Variants in SDK1 observed in about 807,000 individuals in gnomAD.
SDK1 encodes the protein sidekick cell adhesion molecule 1.
In SDK1, 157 loss-of-function variants were observed where a neutral mutation model predicts 245.5. The ratio of observed to expected loss-of-function variants is 0.64; its 90% CI spans 0.56 to 0.73. The LOEUF (loss-of-function observed/expected upper bound fraction) is 0.73. Ranked by LOEUF, SDK1 falls within the 30% of genes least tolerant of loss-of-function variation. The pLI is 0.00. For missense variants in SDK1, 3,583 were observed against 3,002.3 expected, an observed-to-expected ratio of 1.19 and a Z score of -4.52; for synonymous variants, 1,647 against 1,278.5, an observed-to-expected ratio of 1.29 and a Z score of -6.15.
intron 4 of SDK1, among the ~76,000 whole-genome samples, chr7:3,760,799 C>A (rs116285349): frequency 8.5e-5 from 13 of 152,336 alleles, no homozygotes; most frequent in African/African-American, 3.1e-4. Flanking sequence ...TAGGATCATA[C>A]GGCACGTAGC....
intron 35 of SDK1, among the ~76,000 whole-genome samples, chr7:4,186,630 G>C (rs1782914335): frequency 6.6e-6 from 1 of 152,182 alleles, no homozygotes; most frequent in South Asian, 2.1e-4. Flanking sequence ...TGGGAAGCTG[G>C]GTTGGGGTGA....
chr7:3,590,300 C>CTTTTTTTTTTTTTTTT (rs200303832), intron 1 of SDK1, among the ~76,000 whole-genome samples: 12 of 96,136 alleles, frequency 1.2e-4, no homozygotes, highest in East Asian at 3.3e-4. Flanking sequence ...TTTCCTGTTC[C>CTTTTTTTTTTTTTTTT]TTTTTTTTTT....
intron 5 of SDK1, among the ~76,000 whole-genome samples, chr7:3,944,287 C>G (rs1780490116): frequency 6.6e-6 from 1 of 152,200 alleles, no homozygotes. Flanking sequence ...TGGGTTGTCA[C>G]TATATTAAAT....
intron 1 of SDK1, among the ~76,000 whole-genome samples, chr7:3,442,565 T>C (rs766552073): frequency 7.2e-5 from 11 of 152,224 alleles, no homozygotes; most frequent in Non-Finnish European, 1.5e-4. Context: ...GAAGTCAACC[T>C]GCCTGAGTTC....
At chr7:3,991,528 C>T (rs535756272) in intron 14 of SDK1, among the ~76,000 whole-genome samples, 2 of 152,150 alleles carry the variant, frequency 1.3e-5, no homozygotes, top group African/African-American at 2.4e-5. Context: ...TGTGCTGTGA[C>T]ACCAGCACAG....
chr7:4,247,060 G>A (rs1335019588), intron 44 of SDK1, among the ~76,000 whole-genome samples: 1 of 152,180 alleles, frequency 6.6e-6, no homozygotes, highest in Non-Finnish European at 1.5e-5. Context: ...TTTTGGATAT[G>A]CCAGGCCTGG....
intron 22 of SDK1, among the ~76,000 whole-genome samples, chr7:4,085,667 G>C (rs1210642258): frequency 6.6e-6 from 1 of 152,104 alleles, no homozygotes; most frequent in East Asian, 1.9e-4. Context: ...CTATTCTCCT[G>C]CCTCAGCCTC....
chr7:3,578,840 T>A (rs1383717788), intron 1 of SDK1, among the ~76,000 whole-genome samples: 1 of 151,934 alleles, frequency 6.6e-6, no homozygotes, highest in African/African-American at 2.4e-5. Flanking sequence ...TGCACTGATT[T>A]CATATTGTTC....
intron 42 of SDK1, among the ~76,000 whole-genome samples, chr7:4,238,909 A>G (rs1786355492): frequency 6.6e-6 from 1 of 151,928 alleles, no homozygotes; most frequent in Non-Finnish European, 1.5e-5. Flanking sequence ...ATATTGTACT[A>G]TGCAATATTA....
chr7:3,918,942 G>A (rs768280413), intron 5 of SDK1, among the ~76,000 whole-genome samples: 3 of 152,090 alleles, frequency 2.0e-5, no homozygotes, highest in African/African-American at 7.2e-5. Context: ...ATGTGTTACC[G>A]GAGAATTATT....
At chr7:4,070,761 G>A (rs1780203828) in intron 20 of SDK1, among the ~76,000 whole-genome samples, 3 of 151,182 alleles carry the variant, frequency 2.0e-5, no homozygotes, top group Admixed American at 2.0e-4. Context: ...CCAGGATGGA[G>A]TACAGTGGCA....
chr7:3,990,352 C>T (rs998635), intron 14 of SDK1, among the ~76,000 whole-genome samples: 46,823 of 152,162 alleles, frequency 0.31, 7,859 homozygotes, highest in African/African-American at 0.44. Context: ...AACTCCCACT[C>T]GGGCCTCTTT....
chr7:3,464,137 G>A (rs780218980), intron 1 of SDK1, among the ~76,000 whole-genome samples: 5 of 152,240 alleles, frequency 3.3e-5, no homozygotes, highest in Admixed American at 1.3e-4. Context: ...TTACACTGAC[G>A]CATCGTTCCC....
intron 22 of SDK1, among the ~76,000 whole-genome samples, chr7:4,105,793 T>C (rs536399955): frequency 3.6e-4 from 54 of 151,512 alleles, no homozygotes; most frequent in African/African-American, 9.9e-4. Flanking sequence ...TCCAAAGGAG[T>C]CAGCCAGTTG....
chr7:3,353,269 A>G (rs1349806478), intron 1 of SDK1, among the ~76,000 whole-genome samples: 1 of 152,198 alleles, frequency 6.6e-6, no homozygotes, highest in Non-Finnish European at 1.5e-5. Context: ...TTAATTCTGA[A>G]TAGCCACTTA....
chr7:3,684,100 G>A (rs539948582), intron 4 of SDK1, among the ~76,000 whole-genome samples: 2 of 152,282 alleles, frequency 1.3e-5, no homozygotes, highest in East Asian at 3.9e-4. Flanking sequence ...AGTAGGAGCT[G>A]ATCCTCCATT....
chr7:4,145,830 C>A lies in SDK1; in HGVS notation c.4337C>A (p.Ser1446Tyr). 1 of 1,613,856 alleles carries A rather than the reference C, an allele frequency of 6.2e-7. No homozygotes were observed. Among genetic ancestry groups the A allele is most frequent in the Non-Finnish European group, 8.5e-7 (1 of 1,179,960 alleles). Residue 1446 changes from serine to tyrosine, a missense_variant, in exon 29 of 45, where the codon TCC (serine) becomes TAC (tyrosine). Ser to Tyr is a moderately radical substitution (Grantham distance 144). Transcript: ENST00000404826. ...QFTATDLAPE[S>Y]AYIFRLSAKT... ...ACAGCCACCGACCTGGCCCCGGAGTCCGCATACATCTTCAGGCTGTCCGCC... is the reference window on the plus strand; with the variant it reads ...ACAGCCACCGACCTGGCCCCGGAGTACGCATACATCTTCAGGCTGTCCGCC...
chr7:3,461,151 T>C lies in SDK1; in HGVS notation c.299-157929T>C, dbSNP rs74606081. On this transcript the variant is annotated intron_variant, in intron 1 of 44. Coordinates refer to ENST00000404826, the MANE Select transcript of SDK1 (RefSeq NM_152744.4). ...TTAGGAGAGCAATCTAGCAATCCCT[T>C]GTTGAGTTAGAAGTGTGCAGACCCT... 1.2e-3 allele frequency among the ~76,000 whole-genome samples: 181 copies of C among 152,266 alleles called. 3 individuals carry two copies. Among genetic ancestry groups the C allele is most frequent in the African/African-American group, 4.2e-3 (173 of 41,554 alleles).
intron 22 of SDK1, among the ~76,000 whole-genome samples, chr7:4,094,072 T>G (rs1468177730): frequency 6.6e-6 from 1 of 152,128 alleles, no homozygotes; most frequent in Non-Finnish European, 1.5e-5. Flanking sequence ...TTTTGCTTTT[T>G]TTGAGACGGA....
Sources: gnomAD v4.1 joint callset for allele counts (sites outside exome capture counted in the v4.1 genomes callset) on GRCh38, gnomAD v4.1.1 for gene constraint, MANE v1.5 for transcripts, NCBI Gene and HGNC (gene_info 2026-07-23, HGNC 2026-07-21) for gene names.